FHIT: variants seen among roughly 807,000 people sequenced by gnomAD.
FHIT encodes bis(5'-adenosyl)-triphosphatase.
A neutral mutation model predicts 17.9 loss-of-function variants in FHIT; 19 were observed. The ratio of observed to expected loss-of-function variants is 1.06; its 90% CI spans 0.74 to 1.56. FHIT has a LOEUF of 1.56. Among genes scored for constraint, FHIT ranks in the 40% most tolerant of loss-of-function variants. FHIT has a pLI of 0.00. For missense variants in FHIT, 248 were observed against 189.2 expected (o/e 1.31, Z -1.82); for synonymous variants, 81 against 69.7 (o/e 1.16, Z -0.81).
At chr3:59,913,647 TA>T (rs1241551934) in intron 8 of FHIT, among the ~76,000 whole-genome samples, 1 of 152,132 alleles carries the variant, frequency 6.6e-6, no homozygotes, top group African/African-American at 2.4e-5. Context: ...ATAATTGTAT[TA>T]TATTATTATT....
chr3:60,384,192 C>T (rs1459725417), intron 5 of FHIT, among the ~76,000 whole-genome samples: 2 of 151,072 alleles, frequency 1.3e-5, no homozygotes, highest in South Asian at 2.1e-4. Context: ...CACTTGAACC[C>T]GGGAGGCAAA....
intron 1 of FHIT, among the ~76,000 whole-genome samples, chr3:61,232,279 T>C (rs1475836011): frequency 6.6e-6 from 1 of 152,136 alleles, no homozygotes; most frequent in Non-Finnish European, 1.5e-5. Flanking sequence ...CCCAGCTTCT[T>C]GGGAGGCTGA....
In FHIT at chr3:60,790,306, T is replaced by C. The variant is rs1018108007; in HGVS notation, c.-18+31613A>G. Among the ~76,000 whole-genome samples the C allele has an allele frequency of 2.6e-5, 4 of 152,306 alleles. No homozygotes were observed. In the South Asian group the frequency reaches 8.3e-4, roughly 32 times the overall value. Reference sequence around the variant, plus strand: ...GGAAGGACAAGTCTAGATTTGGACATGAAAATAGTCAAAATTAACCTTTGC... The same window carrying C: ...GGAAGGACAAGTCTAGATTTGGACACGAAAATAGTCAAAATTAACCTTTGC... On this transcript the variant is annotated intron_variant, in intron 4 of 9. Transcript: ENST00000492590.
rs952365779 is a variant in FHIT at position 60,485,369 on chromosome 3, C to T, written c.103+51491G>A. Among the ~76,000 whole-genome samples, 11 of 152,200 alleles carry T rather than the reference C, an allele frequency of 7.2e-5. No homozygotes were observed. The South Asian group carries it at 8.3e-4, about 11-fold the overall frequency. The stretch of plus-strand genomic sequence containing the variant: ...ACATGCACACTTATGTTTAGTGCAG[C>T]GTCATTTACAATAGCAAAGACTCAG... On this transcript the variant is annotated intron_variant, in intron 5 of 9. Transcript: ENST00000492590.
At chr3:60,356,764 A>C (rs76907550) in intron 5 of FHIT, among the ~76,000 whole-genome samples, 6,151 of 136,728 alleles carry the variant, frequency 0.045, 198 homozygotes, top group Non-Finnish European at 0.067. Flanking sequence ...AAAAAAAAAA[A>C]AAAAAAAAAA....
At chr3:59,811,296 AG>A (rs1700398124) in intron 8 of FHIT, among the ~76,000 whole-genome samples, 1 of 152,270 alleles carries the variant, frequency 6.6e-6, no homozygotes, top group Non-Finnish European at 1.5e-5. Context: ...TAAAAATCAA[AG>A]AGGAGAAAAA....
At chr3:59,939,248 C>G (rs943424582) in intron 7 of FHIT, among the ~76,000 whole-genome samples, 1 of 152,104 alleles carries the variant, frequency 6.6e-6, no homozygotes, top group Non-Finnish European at 1.5e-5. Flanking sequence ...GCTGGCCAAA[C>G]TTTTTCAGTG....
intron 8 of FHIT, among the ~76,000 whole-genome samples, chr3:59,846,301 T>C (rs556398568): frequency 6.6e-6 from 1 of 152,298 alleles, no homozygotes; most frequent in Admixed American, 6.5e-5. Context: ...AAATTATATT[T>C]AACATCCTGA....
At chr3:60,281,401 T>A (rs1285902022) in intron 5 of FHIT, among the ~76,000 whole-genome samples, 8 of 151,994 alleles carry the variant, frequency 5.3e-5, no homozygotes, top group African/African-American at 1.9e-4. Context: ...AAGAACAAAG[T>A]TGAAGGAGTG....
In FHIT at chr3:60,877,875, C is replaced by T. The variant is rs189978289; in HGVS notation, c.-110-55864G>A. 1.7e-3 allele frequency among the ~76,000 whole-genome samples: 257 copies of T among 152,198 alleles called. 1 individual carries two copies. Among genetic ancestry groups the T allele is most frequent in the African/African-American group, 5.6e-3 (232 of 41,530 alleles). On this transcript the variant is annotated intron_variant, in intron 3 of 9. Coordinates refer to ENST00000492590, the MANE Select transcript of FHIT (RefSeq NM_002012.4). Reference sequence around the variant, plus strand: ...TACTCCCTGCCCTCCAGGACCCAAACAATACCCATGCTCAGTCATTCTAGG... The same window carrying T: ...TACTCCCTGCCCTCCAGGACCCAAATAATACCCATGCTCAGTCATTCTAGG...
At chr3:60,031,389 G>C (rs1328160854) in intron 5 of FHIT, among the ~76,000 whole-genome samples, 1 of 152,214 alleles carries the variant, frequency 6.6e-6, no homozygotes, top group African/African-American at 2.4e-5. Flanking sequence ...TGCAAAGGCA[G>C]TCATTCTAGG....
At chr3:60,955,633 TACACACAC>T (rs1553778443) in intron 3 of FHIT, among the ~76,000 whole-genome samples, 9 of 39,476 alleles carry the variant, frequency 2.3e-4, no homozygotes, top group Admixed American at 5.8e-4. Flanking sequence ...TATATATATA[TACACACAC>T]ACACATATAT....
chr3:60,377,692 A>G (rs2107095917), intron 5 of FHIT, among the ~76,000 whole-genome samples: 1 of 149,650 alleles, frequency 6.7e-6, no homozygotes, highest in African/African-American at 2.5e-5. Context: ...CTTGTTAGCC[A>G]GGATGGTCTC....
intron 2 of FHIT, among the ~76,000 whole-genome samples, chr3:61,058,920 C>T (rs2034326125): frequency 6.6e-6 from 1 of 152,128 alleles, no homozygotes; most frequent in Non-Finnish European, 1.5e-5. Flanking sequence ...GATTTGAGGT[C>T]AAGTAGTCCC....
chr3:60,284,182 C>A (rs1707605669), intron 5 of FHIT, among the ~76,000 whole-genome samples: 1 of 152,060 alleles, frequency 6.6e-6, no homozygotes, highest in Non-Finnish European at 1.5e-5. Context: ...TTAACATAAA[C>A]CTAAAAAGAC....
chr3:60,250,228 C>T (rs953103971), intron 5 of FHIT, among the ~76,000 whole-genome samples: 4 of 152,134 alleles, frequency 2.6e-5, no homozygotes, highest in Non-Finnish European at 5.9e-5. Context: ...TTCCAATTAT[C>T]CTAGCCAATA....
chr3:60,314,980 C>A (rs1248341117), intron 5 of FHIT, among the ~76,000 whole-genome samples: 1 of 152,100 alleles, frequency 6.6e-6, no homozygotes, highest in Non-Finnish European at 1.5e-5. Flanking sequence ...GCCCAGGCCT[C>A]AAGAAACTGG....
intron 6 of FHIT, 68 bp downstream of exon 6, chr3:60,013,939 G>C (rs1189899940): frequency 3.0e-5 from 45 of 1,498,690 alleles, no homozygotes; most frequent in Non-Finnish European, 2.2e-5. Context: ...AAGATATCAG[G>C]AGGAGCAAGC....
intron 5 of FHIT, among the ~76,000 whole-genome samples, chr3:60,019,090 G>C (rs1700453687): frequency 1.3e-5 from 2 of 152,182 alleles, no homozygotes; most frequent in Non-Finnish European, 2.9e-5. Context: ...ACTGCTTTCA[G>C]ATGGAAGGTA....
Sources: gnomAD v4.1 joint callset for allele counts (sites outside exome capture counted in the v4.1 genomes callset) on GRCh38, gnomAD v4.1.1 for gene constraint, MANE v1.5 for transcripts, NCBI Gene and HGNC (gene_info 2026-07-23, HGNC 2026-07-21) for gene names.